The following NFASC variants were observed in gnomAD, a reference collection of about 807,000 sequenced individuals.
NFASC encodes neurofascin.
In NFASC, 43 loss-of-function variants were observed where a neutral mutation model predicts 147.5. That is an observed-to-expected ratio of 0.29 (90% CI 0.23 to 0.38). The LOEUF is 0.38. Ranked by LOEUF, NFASC falls within the 10% of genes least tolerant of loss-of-function variation. The pLI, the probability that NFASC is intolerant of heterozygous loss-of-function variation, is 1.00. For synonymous variants in NFASC, 622 were observed against 665.5 expected, an observed-to-expected ratio of 0.93 and a Z score of 1.01; for missense variants, 1,320 against 1,689.0, an observed-to-expected ratio of 0.78 and a Z score of 3.83.
chr1:204,835,757 C>A (rs937260103), intron 1 of NFASC, among the ~76,000 whole-genome samples: 1 of 152,138 alleles, frequency 6.6e-6, no homozygotes, highest in East Asian at 1.9e-4. Context: ...AACCTCGTTG[C>A]ACTGCTGTCT....
intron 2 of NFASC, among the ~76,000 whole-genome samples, chr1:204,930,273 G>A (rs968123492): frequency 2.0e-5 from 3 of 152,254 alleles, no homozygotes; most frequent in Admixed American, 2.0e-4. Flanking sequence ...GGGGAGATTT[G>A]AGAAAGAAAG....
At chr1:204,950,241 C>T (rs963986066) in intron 3 of NFASC, among the ~76,000 whole-genome samples, 2 of 152,236 alleles carry the variant, frequency 1.3e-5, no homozygotes, top group Non-Finnish European at 2.9e-5. Context: ...GCAGCATTGT[C>T]ACTTGGGGAC....
chr1:204,842,100 A>G (rs1675526997), intron 1 of NFASC, among the ~76,000 whole-genome samples: 1 of 152,192 alleles, frequency 6.6e-6, no homozygotes, highest in Non-Finnish European at 1.5e-5. Flanking sequence ...CCACACTGAA[A>G]AGAGAACAAT....
intron 2 of NFASC, among the ~76,000 whole-genome samples, chr1:204,931,010 T>C (rs111443748): frequency 1.3e-5 from 2 of 152,166 alleles, no homozygotes; most frequent in African/African-American, 2.4e-5. Context: ...CCTGGAGTTG[T>C]CCTGGATGAC....
chr1:204,886,562 C>T (rs1391394422), intron 1 of NFASC, among the ~76,000 whole-genome samples: 1 of 152,170 alleles, frequency 6.6e-6, no homozygotes, highest in African/African-American at 2.4e-5. Flanking sequence ...GTTCCTGATT[C>T]GGGAAGTCTG....
intron 1 of NFASC, among the ~76,000 whole-genome samples, chr1:204,903,842 A>C (rs575550583): frequency 6.6e-6 from 1 of 152,330 alleles, no homozygotes; most frequent in African/African-American, 2.4e-5. Context: ...TTCTGAGATA[A>C]TCACAAGGGG....
chr1:204,837,082 G>A (rs557825876), intron 1 of NFASC, among the ~76,000 whole-genome samples: 13 of 152,376 alleles, frequency 8.5e-5, no homozygotes, highest in Non-Finnish European at 1.9e-4. Context: ...ATGGCTGGTT[G>A]CTGGCAAAAG....
intron 24 of NFASC, among the ~76,000 whole-genome samples, chr1:204,993,990 C>T (rs374979873): frequency 5.3e-4 from 80 of 152,318 alleles, no homozygotes; most frequent in Middle Eastern, 6.8e-3. Context: ...CACCTTCCCT[C>T]GGAGGCTTTT....
intron 1 of NFASC, among the ~76,000 whole-genome samples, chr1:204,832,428 CA>C (rs1672486304): frequency 6.7e-6 from 1 of 148,172 alleles, no homozygotes; most frequent in African/African-American, 2.6e-5. Flanking sequence ...CACACACCTG[CA>C]AGGTGTGTGA....
chr1:204,857,116 G>T (rs1163952960), intron 1 of NFASC, among the ~76,000 whole-genome samples: 1 of 152,196 alleles, frequency 6.6e-6, no homozygotes, highest in East Asian at 1.9e-4. Flanking sequence ...CTGTTTTCTA[G>T]AGGCTGCACC....
At chr1:204,832,114 T>C (rs1172481863) in intron 1 of NFASC, among the ~76,000 whole-genome samples, 1 of 152,028 alleles carries the variant, frequency 6.6e-6, no homozygotes, top group Admixed American at 6.5e-5. Flanking sequence ...ATCCCCAGCT[T>C]GAAGGGCTAG....
chr1:204,965,275 A>G (rs1352402508), intron 8 of NFASC, among the ~76,000 whole-genome samples: 1 of 152,154 alleles, frequency 6.6e-6, no homozygotes, highest in South Asian at 2.1e-4. Flanking sequence ...TTAGAGTTTC[A>G]TCTAGTAATC....
chr1:204,876,725 T>C (rs2078863494), intron 1 of NFASC, among the ~76,000 whole-genome samples: 1 of 152,114 alleles, frequency 6.6e-6, no homozygotes, highest in Admixed American at 6.6e-5. Context: ...GTCTGGCTTA[T>C]CTCACTTAAC....
At chr1:204,982,412 A>G (rs6677763) in intron 21 of NFASC, among the ~76,000 whole-genome samples, 50,184 of 152,048 alleles carry the variant, frequency 0.33, 8,528 homozygotes, top group Middle Eastern at 0.39. Context: ...CATCAGGACT[A>G]CCCATCCTAA....
chr1:204,991,370 GC>G, intron 24 of NFASC, 64 bp downstream of exon 24: 1 of 1,563,888 alleles, frequency 6.4e-7, no homozygotes, highest in Non-Finnish European at 8.7e-7. Flanking sequence ...GCCCAGCCCA[GC>G]CAGGGCGGAC....
At position 204,936,198 on chromosome 1, in the gene NFASC, C is replaced by CTTTTTTTTTT. The variant is rs749844237; in HGVS notation, c.-90-8023_-90-8022insTTTTTTTTTT. 1.9e-4 allele frequency among the ~76,000 whole-genome samples: 14 copies of CTTTTTTTTTT among 71,876 alleles called. 1 individual carries two copies. The highest frequency in any genetic ancestry group is 1.9e-4 in the Non-Finnish European group (8 of 41,802). The allele number at this position is 71,876 out of a possible 152,430, so 47.2% of individuals were successfully genotyped here. The stretch of plus-strand genomic sequence containing the variant: ...TAACAGATTCCCTCTCTCTCTCTTT[C>CTTTTTTTTTT]TTTTTCTTTTTTTTTTTTTTTGAGA... On this transcript the variant is annotated intron_variant, in intron 2 of 29. Coordinates refer to ENST00000339876, the MANE Select transcript of NFASC (RefSeq NM_001005388.3).
intron 1 of NFASC, among the ~76,000 whole-genome samples, chr1:204,883,199 A>G (rs1401967636): frequency 2.6e-5 from 4 of 152,200 alleles, no homozygotes; most frequent in East Asian, 1.9e-4. Context: ...CAGAGAAGCT[A>G]TATGTGGCAA....
chr1:204,914,731 A>C (rs1025583849), intron 1 of NFASC, among the ~76,000 whole-genome samples: 5 of 152,234 alleles, frequency 3.3e-5, no homozygotes, highest in Admixed American at 2.6e-4. Context: ...ACTCTCATAC[A>C]TTGCTGGTGG....
At chr1:204,976,612 G>T in intron 15 of NFASC, 59 bp from the exon 16 acceptor site, 1 of 1,326,424 alleles carries the variant, frequency 7.5e-7, no homozygotes, top group Non-Finnish European at 1.1e-6. Context: ...AGAAAGCAAT[G>T]GGCAGGACTC....
Sources: allele counts gnomAD v4.1 joint callset (sites outside exome capture counted in the v4.1 genomes callset), GRCh38; gene constraint gnomAD v4.1.1; transcripts MANE v1.5; gene names NCBI Gene and HGNC (gene_info 2026-07-23, HGNC 2026-07-21).